The following PPP3CA variants were observed in gnomAD, a reference collection of about 807,000 sequenced individuals.
The protein encoded by PPP3CA is protein phosphatase 3 catalytic subunit alpha.
PPP3CA carries 14 observed loss-of-function variants against 66.5 expected under a neutral mutation model. That is an observed-to-expected ratio of 0.21 (90% CI 0.14 to 0.33). PPP3CA has a LOEUF of 0.33. Among genes scored for constraint, PPP3CA ranks in the 10% least tolerant of loss-of-function variants. The pLI is 1.00. For missense variants in PPP3CA, 317 were observed against 639.5 expected (o/e 0.50, Z 5.44); for synonymous variants, 232 against 226.2 (o/e 1.03, Z -0.23).
chr4:101,252,844 A>C (rs1293214749), intron 1 of PPP3CA, among the ~76,000 whole-genome samples: 1 of 152,120 alleles, frequency 6.6e-6, no homozygotes, highest in Non-Finnish European at 1.5e-5. Flanking sequence ...GGTTGCTCTC[A>C]TATCAGTTTC....
chr4:101,240,703 T>G lies in PPP3CA; in HGVS notation c.59-44587A>C, dbSNP rs966463235. ...CTTTCAATTTTAAAATACACAAAAT[T>G]TGCTAATATTCAGAAAATCTTTCTA... On this transcript the variant is annotated intron_variant, in intron 1 of 13. Coordinates refer to ENST00000394854, the MANE Select transcript of PPP3CA (RefSeq NM_000944.5). The G allele has an allele frequency of 3.3e-5, 5 of 151,978 alleles. No homozygotes were observed. In the South Asian group the frequency reaches 6.2e-4, roughly 19 times the overall value. 9.4% of individuals were successfully genotyped at this position (151,978 alleles called of 1,614,324 possible).
At chr4:101,319,817 C>T (rs549176854) in intron 1 of PPP3CA, among the ~76,000 whole-genome samples, 5 of 152,176 alleles carry the variant, frequency 3.3e-5, no homozygotes, top group African/African-American at 4.8e-5. Flanking sequence ...AAATAGCATA[C>T]TAAGAGTGAT....
chr4:101,063,379 T>C (rs560796079), intron 8 of PPP3CA, 22 bp from the exon 9 acceptor site: 4 of 1,599,694 alleles, frequency 2.5e-6, no homozygotes, highest in East Asian at 4.5e-5. Flanking sequence ...CAAAAGAGGA[T>C]GTTAGGAACA....
At chr4:101,272,424 A>G (rs1727364409) in intron 1 of PPP3CA, among the ~76,000 whole-genome samples, 1 of 152,198 alleles carries the variant, frequency 6.6e-6, no homozygotes, top group Admixed American at 6.5e-5. Context: ...GCCTCATTCT[A>G]TAATATACAA....
intron 10 of PPP3CA, among the ~76,000 whole-genome samples, chr4:101,043,693 T>G (rs991163003): frequency 9.2e-5 from 14 of 152,032 alleles, no homozygotes; most frequent in African/African-American, 3.4e-4. Context: ...GCTAACGTGG[T>G]GAAACCCCGT....
chr4:101,038,739 C>G (rs901727216), intron 11 of PPP3CA, among the ~76,000 whole-genome samples: 1 of 152,148 alleles, frequency 6.6e-6, no homozygotes, highest in African/African-American at 2.4e-5. Flanking sequence ...TTGCCTAATT[C>G]AGTGCATGGT....
intron 2 of PPP3CA, among the ~76,000 whole-genome samples, chr4:101,178,847 T>A (rs2110173134): frequency 6.6e-6 from 1 of 152,204 alleles, no homozygotes; most frequent in Admixed American, 6.6e-5. Flanking sequence ...CTATTGCCCC[T>A]CTTGTCCTAA....
In PPP3CA at chr4:101,346,807, C is replaced by T. The variant is rs1400042520; in HGVS notation, c.-11G>A. ...CTTGGGCTCGGACATCTCCAGCTGCCGGAGGACAGCGACGCGCTGCTCGTC... is the reference window on the plus strand; with the variant it reads ...CTTGGGCTCGGACATCTCCAGCTGCTGGAGGACAGCGACGCGCTGCTCGTC... On this transcript the variant is annotated 5_prime_UTR_variant, in exon 1 of 14. Transcript: ENST00000394854. The T allele has an allele frequency of 1.4e-5, 23 of 1,609,230 alleles. No individual in the cohort carries two copies. The highest frequency in any genetic ancestry group is 1.9e-5 in the Non-Finnish European group (22 of 1,178,328).
At chr4:101,267,904 C>T (rs1202620763) in intron 1 of PPP3CA, among the ~76,000 whole-genome samples, 5 of 149,676 alleles carry the variant, frequency 3.3e-5, no homozygotes, top group African/African-American at 1.3e-4. Flanking sequence ...ACTTTTAAAA[C>T]CTTTTTAGTT....
intron 1 of PPP3CA, among the ~76,000 whole-genome samples, chr4:101,214,408 T>C (rs1232605336): frequency 6.6e-6 from 1 of 152,010 alleles, no homozygotes; most frequent in Non-Finnish European, 1.5e-5. Flanking sequence ...CAATAAACAT[T>C]TATCATTATC....
chr4:101,108,113 A>C (rs1721501149), intron 3 of PPP3CA: 1 of 152,230 alleles, frequency 6.6e-6, no homozygotes. Flanking sequence ...AAGAACCTCT[A>C]TTCAAAGGTT....
intron 3 of PPP3CA, among the ~76,000 whole-genome samples, chr4:101,103,462 A>C (rs778678070): frequency 6.6e-6 from 1 of 152,228 alleles, no homozygotes; most frequent in Non-Finnish European, 1.5e-5. Context: ...GCAATGCACT[A>C]TATAGACGAC....
chr4:101,104,714 TA>T (rs1206918034), intron 3 of PPP3CA, among the ~76,000 whole-genome samples: 1 of 152,158 alleles, frequency 6.6e-6, no homozygotes, highest in Non-Finnish European at 1.5e-5. Flanking sequence ...TAATCCACAA[TA>T]AAAAATCCTT....
Position 101,025,736 on chromosome 4 carries a change from T to C in PPP3CA, c.*129A>G, listed in dbSNP as rs1726605077. The C allele has an allele frequency of 1.5e-6, 1 of 675,096 alleles. No individual in the cohort carries two copies. The highest frequency in any genetic ancestry group is 2.8e-5 in the East Asian group (1 of 35,516). 41.8% of individuals were successfully genotyped at this position (675,096 alleles called of 1,614,324 possible). On this transcript the variant is annotated 3_prime_UTR_variant, in exon 14 of 14. Coordinates refer to ENST00000394854, the MANE Select transcript of PPP3CA (RefSeq NM_000944.5). ...GATAGTGTAAACTGAATCCAATTCC[T>C]GGCCCCCAGAGCAAATAAGCTACTG...
chr4:101,234,925 C>A (rs1228449281), intron 1 of PPP3CA, among the ~76,000 whole-genome samples: 2 of 151,528 alleles, frequency 1.3e-5, no homozygotes, highest in Non-Finnish European at 3.0e-5. Flanking sequence ...AAGGACAGGG[C>A]TAATACAATT....
intron 10 of PPP3CA, among the ~76,000 whole-genome samples, chr4:101,056,851 AAC>A (rs1242142735): frequency 2.0e-5 from 3 of 151,542 alleles, no homozygotes; most frequent in African/African-American, 7.3e-5. Context: ...AAAAAAAAAA[AAC>A]AACTCACTTC....
chr4:101,277,386 T>C (rs1727535888), intron 1 of PPP3CA, among the ~76,000 whole-genome samples: 1 of 152,230 alleles, frequency 6.6e-6, no homozygotes, highest in Admixed American at 6.5e-5. Context: ...TGGACCTACA[T>C]TTCCAATTCA....
intron 2 of PPP3CA, among the ~76,000 whole-genome samples, chr4:101,153,760 T>C (rs1047038118): frequency 6.6e-6 from 1 of 152,202 alleles, no homozygotes; most frequent in African/African-American, 2.4e-5. Context: ...GACCTCTTCC[T>C]AGTGGGATTA....
Position 101,029,236 on chromosome 4 carries a change from G to T in PPP3CA, c.1340-41C>A. 1.9e-6 allele frequency: 3 copies of T among 1,542,818 alleles called. No individual in the cohort carries two copies. The South Asian group carries it at 3.3e-5, about 17-fold the overall frequency. Reference sequence around the variant, plus strand: ...GGGGTGCAAAATGAATGAGAAAAATGAGCAGAGGATTTTTTAACTCTAAGA... The same window carrying T: ...GGGGTGCAAAATGAATGAGAAAAATTAGCAGAGGATTTTTTAACTCTAAGA... On this transcript the variant is annotated intron_variant, in intron 12 of 13. Transcript: ENST00000394854.
Sources: gnomAD v4.1 joint callset for allele counts (sites outside exome capture counted in the v4.1 genomes callset) on GRCh38, gnomAD v4.1.1 for gene constraint, MANE v1.5 for transcripts, NCBI Gene and HGNC (gene_info 2026-07-23, HGNC 2026-07-21) for gene names.